Variants in SLCO2B1 observed in about 807,000 individuals in gnomAD.
SLCO2B1 encodes the protein OATP-RP2.
A neutral mutation model predicts 67.3 loss-of-function variants in SLCO2B1; 41 were observed. The observed-to-expected ratio is 0.61, with a 90% CI of 0.47 to 0.79. SLCO2B1 has a LOEUF of 0.79. Ranked by LOEUF, SLCO2B1 falls within the 30% of genes least tolerant of loss-of-function variation. The pLI is 0.00. For synonymous variants in SLCO2B1, 379 were observed against 381.4 expected, an observed-to-expected ratio of 0.99 and a Z score of 0.07; for missense variants, 837 against 920.1, an observed-to-expected ratio of 0.91 and a Z score of 1.17.
intron 1 of SLCO2B1, among the ~76,000 whole-genome samples, chr11:75,161,571 G>C (rs1949821625): frequency 1.3e-5 from 2 of 152,194 alleles, no homozygotes; most frequent in African/African-American, 2.4e-5. Context: ...CCTGGAGATA[G>C]AGTGAGAGTC....
intron 7 of SLCO2B1, among the ~76,000 whole-genome samples, chr11:75,182,326 C>T (rs998936745): frequency 1.3e-5 from 2 of 152,210 alleles, no homozygotes; most frequent in African/African-American, 4.8e-5. Flanking sequence ...CCTGCTCTGC[C>T]AATAACTGTC....
intron 7 of SLCO2B1, among the ~76,000 whole-genome samples, chr11:75,181,571 T>C (rs971322574): frequency 6.6e-6 from 1 of 152,132 alleles, no homozygotes; most frequent in African/African-American, 2.4e-5. Flanking sequence ...AGAGTCCACA[T>C]TGGCTCTGTG....
At chr11:75,197,962 G>A (rs181623319) in intron 10 of SLCO2B1, among the ~76,000 whole-genome samples, 1 of 152,250 alleles carries the variant, frequency 6.6e-6, no homozygotes, top group East Asian at 1.9e-4. Context: ...AAGCTTGGGG[G>A]ATTTGTGGGG....
At position 75,193,498 on chromosome 11, in the gene SLCO2B1, G is replaced by A; in HGVS notation, c.1356G>A (p.Leu452=). 6.2e-7 allele frequency: 1 copy of A among 1,606,692 alleles called. No individual in the cohort carries two copies. Among genetic ancestry groups the A allele is most frequent in the Non-Finnish European group, 8.5e-7 (1 of 1,175,344 alleles). The change falls in exon 9 of 14, where the codon CTG becomes CTA. Residue 452 remains leucine (L), a synonymous_variant. Transcript: ENST00000289575. This position sits in a 1 kb window ranked among gnomAD's most constrained non-coding sequence, Gnocchi z 4.2. ...CGALCLLGML[L]CLFFSLPLFF... ...CCCTTTGCCTGCTGGGGATGCTGCT[G>A]TGCCTCTTCTTCAGCCTGCCGCTCT...
At position 75,172,384 on chromosome 11, in the gene SLCO2B1, A is replaced by T. The variant is rs1156965454; in HGVS notation, c.787A>T (p.Ile263Phe). ...VDINQMPEGG[I>F]SLTIKDPRWV... Reference sequence around the variant, plus strand: ...ACCATGCTCTTCTCTTCCAGGTGGTATCAGCCTGACCATAAAGGACCCCCG... The same window carrying T: ...ACCATGCTCTTCTCTTCCAGGTGGTTTCAGCCTGACCATAAAGGACCCCCG... Residue 263 changes from isoleucine (I) to phenylalanine (F), a missense_variant, in exon 7 of 14, where the codon ATC (isoleucine) becomes TTC (phenylalanine). By Grantham distance (21) the Ile-to-Phe change is conservative. Coordinates refer to ENST00000289575, the MANE Select transcript of SLCO2B1 (RefSeq NM_007256.5). 6.2e-7 allele frequency: 1 copy of T among 1,613,262 alleles called. No individual in the cohort carries two copies. Among genetic ancestry groups the T allele is most frequent in the South Asian group, 1.1e-5 (1 of 90,960 alleles).
intron 9 of SLCO2B1, 196 bp from the exon 10 acceptor site, chr11:75,196,318 C>T (rs753203272): frequency 2.6e-5 from 15 of 582,258 alleles, no homozygotes; most frequent in Non-Finnish European, 4.3e-5. Context: ...ATTGAGGGGG[C>T]CTGTCTCCAT....
At chr11:75,152,505 G>A (rs986973829) in intron 1 of SLCO2B1, 6 of 152,432 alleles carry the variant, frequency 3.9e-5, no homozygotes, top group Non-Finnish European at 7.3e-5. Context: ...TCACAGGACA[G>A]ATGAGAATGA....
Position 75,151,389 on chromosome 11 carries a change from C to G in SLCO2B1, c.8C>G (p.Pro3Arg). Residue 3 changes from proline (P) to arginine (R), a missense_variant, in exon 1 of 14, where the codon CCC (proline) becomes CGC (arginine). Transcript: ENST00000289575. Reference protein sequence around the residue: MGPRIGPAGEVPQ... With the variant: MGRRIGPAGEVPQ... Reference sequence around the variant, plus strand: ...CACTGCACTCCAGCAGTCATGGGACCCAGGATAGGTAAGTCCGAACAAATT... The same window carrying G: ...CACTGCACTCCAGCAGTCATGGGACGCAGGATAGGTAAGTCCGAACAAATT... 1 of 1,613,662 alleles carries G rather than the reference C, an allele frequency of 6.2e-7. No individual in the cohort carries two copies. The highest frequency in any genetic ancestry group is 8.5e-7 in the Non-Finnish European group (1 of 1,179,874).
intron 8 of SLCO2B1, among the ~76,000 whole-genome samples, chr11:75,192,473 G>T (rs1280245180): frequency 6.6e-6 from 1 of 152,152 alleles, no homozygotes; most frequent in African/African-American, 2.4e-5. Flanking sequence ...GAGGATTGGG[G>T]CCTGTGTTTG....
At chr11:75,192,180 T>C (rs2140336543) in intron 8 of SLCO2B1, among the ~76,000 whole-genome samples, 1 of 152,194 alleles carries the variant, frequency 6.6e-6, no homozygotes, top group East Asian at 1.9e-4. Context: ...CAGATTTCAC[T>C]TTCTCTGGAG....
rs1945275164 is a variant in SLCO2B1 at position 75,206,246 on chromosome 11, C to G, written c.*1666C>G. The G allele has an allele frequency of 6.6e-6, 1 of 152,148 alleles. No individual in the cohort carries two copies. The highest frequency in any genetic ancestry group is 1.5e-5 in the Non-Finnish European group (1 of 68,002). The allele number at this position is 152,148 out of a possible 1,614,324, so 9.4% of individuals were successfully genotyped here. On this transcript the variant is annotated 3_prime_UTR_variant, in exon 14 of 14. Coordinates refer to ENST00000289575, the MANE Select transcript of SLCO2B1 (RefSeq NM_007256.5). ...GATACAGCTTATTATTAAATTTGTTCTTGCATAATGTCTCTTCTATTACAA... is the reference window on the plus strand; with the variant it reads ...GATACAGCTTATTATTAAATTTGTTGTTGCATAATGTCTCTTCTATTACAA...
rs75288503 is a variant in SLCO2B1, at chr11:75,188,652, G to A, written c.1075+414G>A. ...GAGGCAGAAGAATCACTTGAACCTG[G>A]GAGGCAGAGGTTGCAGTGAGCCAAG... is the stretch of plus-strand genomic sequence containing the variant. On this transcript the variant is annotated intron_variant, in intron 8 of 13. Coordinates refer to ENST00000289575, the MANE Select transcript of SLCO2B1 (RefSeq NM_007256.5). Among the ~76,000 whole-genome samples, 211 of 152,222 alleles carry A rather than the reference G, an allele frequency of 1.4e-3. 4 individuals carry two copies. The East Asian group carries it at 0.039, about 28-fold the overall frequency.
chr11:75,163,094 A>T (rs1317854946), intron 2 of SLCO2B1, among the ~76,000 whole-genome samples: 1 of 152,104 alleles, frequency 6.6e-6, no homozygotes, highest in Admixed American at 6.5e-5. Flanking sequence ...TCCCGAACCT[A>T]TGTGGATACT....
At chr11:75,195,089 C>T (rs1273462031) in intron 9 of SLCO2B1, among the ~76,000 whole-genome samples, 3 of 152,222 alleles carry the variant, frequency 2.0e-5, no homozygotes, top group Non-Finnish European at 2.9e-5. Context: ...TGTTATTAGC[C>T]CCATTTCACA....
chr11:75,159,078 G>T (rs2140302927), intron 1 of SLCO2B1, among the ~76,000 whole-genome samples: 1 of 152,370 alleles, frequency 6.6e-6, no homozygotes, highest in South Asian at 2.1e-4. Context: ...TCAGGAACTT[G>T]TCTGACTGTC....
rs568058422 is a variant in SLCO2B1 at position 75,154,116 on chromosome 11, G to C, written c.16+2719G>C. On this transcript the variant is annotated intron_variant, in intron 1 of 13. Transcript: ENST00000289575. ...AATTTACGTATTTTTAGTAGAGATGGGGTTTCACCATGTTGGCCAGGCTGG... is the reference window on the plus strand; with the variant it reads ...AATTTACGTATTTTTAGTAGAGATGCGGTTTCACCATGTTGGCCAGGCTGG... 1.7e-4 allele frequency among the ~76,000 whole-genome samples: 26 copies of C among 151,152 alleles called. No individual in the cohort carries two copies. In the Middle Eastern group the frequency reaches 0.01, roughly 59 times the overall value.
At chr11:75,189,345 AG>A (rs1448328875) in intron 8 of SLCO2B1, among the ~76,000 whole-genome samples, 3 of 152,162 alleles carry the variant, frequency 2.0e-5, no homozygotes, top group Non-Finnish European at 2.9e-5. Flanking sequence ...TTCTAAATTG[AG>A]TTTCCTCATC....
intron 1 of SLCO2B1, among the ~76,000 whole-genome samples, chr11:75,161,116 A>G (rs909590200): frequency 6.6e-6 from 1 of 152,252 alleles, no homozygotes; most frequent in Non-Finnish European, 1.5e-5. Context: ...GTATGTCTCC[A>G]TACAAATTTG....
At chr11:75,199,077 A>T (rs1230138671) in intron 10 of SLCO2B1, among the ~76,000 whole-genome samples, 1 of 152,094 alleles carries the variant, frequency 6.6e-6, no homozygotes, top group East Asian at 1.9e-4. Flanking sequence ...TCTCCCAGGA[A>T]CCTTGCTTAG....
Sources: gnomAD v4.1 joint callset for allele counts (sites outside exome capture counted in the v4.1 genomes callset) on GRCh38, gnomAD v4.1.1 for gene constraint, Gnocchi (gnomAD v3.1) non-coding constraint, MANE v1.5 for transcripts, NCBI Gene and HGNC (gene_info 2026-07-23, HGNC 2026-07-21) for gene names.